The following ASMT variants were observed in gnomAD, a reference collection of about 807,000 sequenced individuals.
ASMT encodes the protein acetylserotonin O-methyltransferase.
Under a neutral mutation model 41.3 loss-of-function variants are expected in ASMT, and 53 were observed. That is an observed-to-expected ratio of 1.28 (90% CI 1.03 to 1.61). The LOEUF (loss-of-function observed/expected upper bound fraction) is 1.61. Among genes scored for constraint, ASMT ranks in the 40% most tolerant of loss-of-function variants. ASMT has a pLI of 0.00. For missense variants in ASMT, 531 were observed against 441.3 expected, an observed-to-expected ratio of 1.20 and a Z score of -1.82; for synonymous variants, 231 against 184.8, an observed-to-expected ratio of 1.25 and a Z score of -2.03.
At chrX:1,627,249 C>T (rs765599201) in intron 3 of ASMT, among the ~76,000 whole-genome samples, 1 of 150,926 alleles carries the variant, frequency 6.6e-6, no homozygotes, top group African/African-American at 2.4e-5. Flanking sequence ...TCGCTTGAAC[C>T]CGGGAGGCGG....
chrX:1,619,559 A>G (rs1239231056), intron 1 of ASMT, among the ~76,000 whole-genome samples: 1 of 141,000 alleles, frequency 7.1e-6, no homozygotes, highest in East Asian at 2.0e-4. Flanking sequence ...TATAATAATA[A>G]TAATAATAAT....
At chrX:1,616,827 G>T (rs1199058583) in intron 1 of ASMT, among the ~76,000 whole-genome samples, 3 of 151,386 alleles carry the variant, frequency 2.0e-5, no homozygotes, top group Non-Finnish European at 3.0e-5. Context: ...TCCTGCCTCA[G>T]CCTCCCGAGT....
At chrX:1,636,957 T>C (rs760668164) in intron 8 of ASMT, among the ~76,000 whole-genome samples, 2,095 of 60,258 alleles carry the variant, frequency 0.035, 69 homozygotes, top group Non-Finnish European at 0.044. Context: ...GTGAGGTCCA[T>C]CCATCCTGAT....
At chrX:1,615,952 C>A (rs1371746038) in intron 1 of ASMT, among the ~76,000 whole-genome samples, 1 of 151,968 alleles carries the variant, frequency 6.6e-6, no homozygotes, top group Non-Finnish European at 1.5e-5. Flanking sequence ...GTTTATTAAC[C>A]CAGTAAATAA....
intron 1 of ASMT, among the ~76,000 whole-genome samples, chrX:1,619,023 A>C (rs1263713911): frequency 6.6e-6 from 1 of 152,214 alleles, no homozygotes; most frequent in East Asian, 1.9e-4. Context: ...GATCAAACTT[A>C]GTACACCCTT....
In ASMT at chrX:1,643,036, T is replaced by C; in HGVS notation, c.*22T>C. 6.2e-7 allele frequency: 1 copy of C among 1,610,212 alleles called. No homozygotes were observed. Among genetic ancestry groups the C allele is most frequent in the Non-Finnish European group, 8.5e-7 (1 of 1,176,392 alleles). ...ATAACTGTTTCTTGTGACCTGGAAC[T>C]AACGTCAAAGCACACAAGACATAAT... On this transcript the variant is annotated 3_prime_UTR_variant, in exon 9 of 9. Coordinates refer to ENST00000381241, the MANE Select transcript of ASMT (RefSeq NM_001171038.2).
chrX:1,634,661 C>G (rs759871455), intron 7 of ASMT, among the ~76,000 whole-genome samples: 5 of 150,590 alleles, frequency 3.3e-5, no homozygotes, highest in African/African-American at 4.9e-5. Context: ...TAACCCCCCC[C>G]CTTTTTTTTT....
intron 1 of ASMT, among the ~76,000 whole-genome samples, chrX:1,619,587 T>TAATAAAAAA (rs1420115346): frequency 2.9e-5 from 4 of 136,172 alleles, no homozygotes; most frequent in Admixed American, 7.5e-5. Context: ...ATAATAATAA[T>TAATAAAAAA]AAAAAGTCTT....
chrX:1,622,033 C>G (rs1450448916), intron 1 of ASMT, among the ~76,000 whole-genome samples: 5 of 151,530 alleles, frequency 3.3e-5, no homozygotes, highest in African/African-American at 1.2e-4. Flanking sequence ...CTCTGTCCAG[C>G]CCAGGCTGGA....
At chrX:1,623,933 G>C (rs1934428699) in intron 2 of ASMT, among the ~76,000 whole-genome samples, 1 of 152,118 alleles carries the variant, frequency 6.6e-6, no homozygotes, top group South Asian at 2.1e-4. Flanking sequence ...ACAGGTGTGA[G>C]CCACCACGCC....
At position 1,636,454 on chromosome X, in the gene ASMT, C is replaced by A; in HGVS notation, c.804C>A (p.Asp268Glu). The A allele has an allele frequency of 1.2e-6, 2 of 1,613,912 alleles. No homozygotes were observed. The change falls in exon 8 of 9, where the codon GAC becomes GAA. Residue 268 changes from aspartate to glutamate, a missense_variant. By Grantham distance (45) the Asp-to-Glu change is conservative. Coordinates refer to ENST00000381241, the MANE Select transcript of ASMT (RefSeq NM_001171038.2). ...IDFQEGDFFK[D>E]PLPEADLYIL... is the part of the protein sequence containing the mutation. ...GTGTTCCAGGGGATTTCTTCAAAGA[C>A]CCTCTTCCGGAAGCTGATCTGTACA...
chrX:1,619,806 T>C lies in ASMT; in HGVS notation c.70-3333T>C, dbSNP rs1406022080. Among the ~76,000 whole-genome samples the C allele has an allele frequency of 3.0e-4, 45 of 151,510 alleles. 1 individual carries two copies. Among genetic ancestry groups the C allele is most frequent in the Non-Finnish European group, 1.9e-4 (13 of 67,830 alleles). On this transcript the variant is annotated intron_variant, in intron 1 of 8. Coordinates refer to ENST00000381241, the MANE Select transcript of ASMT (RefSeq NM_001171038.2). ...CAGAACGCTAATTTAAAAAGGTTAATACGGGCCGGGCGTGGTGGCTCATGC... is the reference window on the plus strand; with the variant it reads ...CAGAACGCTAATTTAAAAAGGTTAACACGGGCCGGGCGTGGTGGCTCATGC...
chrX:1,627,482 G>A (rs1451645173), intron 3 of ASMT, among the ~76,000 whole-genome samples: 7 of 149,894 alleles, frequency 4.7e-5, no homozygotes, highest in African/African-American at 7.4e-5. Context: ...TTAGCTGGGC[G>A]TGGTGGCGGG....
In ASMT at chrX:1,642,806, G is replaced by C. The variant is rs747757374; in HGVS notation, c.914G>C (p.Gly305Ala). 1 of 1,613,904 alleles carries C rather than the reference G, an allele frequency of 6.2e-7. No individual in the cohort carries two copies. Among genetic ancestry groups the C allele is most frequent in the Admixed American group, 1.7e-5 (1 of 60,002 alleles). Residue 305 changes from glycine (G) to alanine (A), a missense_variant, in exon 9 of 9, where the codon GGT (glycine) becomes GCT (alanine). Coordinates refer to ENST00000381241, the MANE Select transcript of ASMT (RefSeq NM_001171038.2). Reference sequence around the variant, plus strand: ...GACTGTGCCCCTCCCTTTCTAGGTGGTGGCATTCTGGTAATTGAAAGCCTC... The same window carrying C: ...GACTGTGCCCCTCCCTTTCTAGGTGCTGGCATTCTGGTAATTGAAAGCCTC... ...ERIYHTCKPG[G>A]GILVIESLLD...
At chrX:1,641,373 A>C in intron 8 of ASMT, among the ~76,000 whole-genome samples, 1 of 72,598 alleles carries the variant, frequency 1.4e-5, no homozygotes, top group South Asian at 5.1e-4. Context: ...GATAGGGACC[A>C]TGTCCCAGTG....
intron 3 of ASMT, among the ~76,000 whole-genome samples, chrX:1,625,755 C>T (rs1328932069): frequency 6.6e-6 from 1 of 151,278 alleles, no homozygotes; most frequent in Non-Finnish European, 1.5e-5. Context: ...GAGATCGAGA[C>T]CATCCTGGCT....
intron 3 of ASMT, 152 bp from the exon 4 acceptor site, chrX:1,627,551 G>A: frequency 2.4e-6 from 2 of 816,602 alleles, no homozygotes; most frequent in East Asian, 5.0e-5. Flanking sequence ...AACCCAGAAG[G>A]CAGAGGTTGC....
At chrX:1,624,912 G>A (rs749678726) in intron 3 of ASMT, among the ~76,000 whole-genome samples, 1 of 140,866 alleles carries the variant, frequency 7.1e-6, no homozygotes, top group Admixed American at 6.9e-5. Flanking sequence ...CTGACCCCAG[G>A]CAGATGCTGG....
At chrX:1,616,185 C>A (rs1180581569) in intron 1 of ASMT, among the ~76,000 whole-genome samples, 2 of 137,888 alleles carry the variant, frequency 1.5e-5, no homozygotes, top group Non-Finnish European at 3.3e-5. Flanking sequence ...CCCACCACCA[C>A]GCCCGGCTAA....
Sources: gnomAD v4.1 joint callset for allele counts (sites outside exome capture counted in the v4.1 genomes callset) on GRCh38, gnomAD v4.1.1 for gene constraint, MANE v1.5 for transcripts, NCBI Gene and HGNC (gene_info 2026-07-23, HGNC 2026-07-21) for gene names.